Variants in PLXNA4 observed in about 807,000 individuals in gnomAD.
PLXNA4 encodes the protein plexin-A4.
In PLXNA4, 44 loss-of-function variants were observed where a neutral mutation model predicts 191.8. That is an observed-to-expected ratio of 0.23 (90% CI 0.18 to 0.29). PLXNA4 has a LOEUF of 0.29. Among genes scored for constraint, PLXNA4 ranks in the 10% least tolerant of loss-of-function variants. The probability of loss-of-function intolerance (pLI) is 1.00; values close to 1 mark genes in which losing one functional copy is unlikely to be tolerated. For synonymous variants in PLXNA4, 1,082 were observed against 1,009.5 expected, an observed-to-expected ratio of 1.07 and a Z score of -1.36; for missense variants, 1,800 against 2,488.8, an observed-to-expected ratio of 0.72 and a Z score of 5.89.
upstream of PLXNA4, chr7:132,576,627 G>A (rs1802252499): frequency 3.0e-6 from 3 of 984,696 alleles, no homozygotes; most frequent in Admixed American, 1.8e-4. This position sits in a 1 kb window ranked among gnomAD's most constrained non-coding sequence, Gnocchi z 5.8. Flanking sequence ...CGCCGAATCA[G>A]AGCCTGCGGG....
intron 2 of PLXNA4, among the ~76,000 whole-genome samples, chr7:132,493,711 A>G (rs199525355): frequency 6.8e-6 from 1 of 147,616 alleles, no homozygotes; most frequent in African/African-American, 2.5e-5. Context: ...AGGTGGATGG[A>G]TGGATGGATG....
chr7:132,164,259 C>T lies in PLXNA4; in HGVS notation c.4383G>A (p.Leu1461=), dbSNP rs761232226. Residue 1461 remains leucine (L), a synonymous_variant, in exon 24 of 32, where the codon CTG becomes CTA. Transcript: ENST00000321063. ...CCATCTGCTGCTTGATGGCACAGAA[C>T]AGGGAGAAGAGGGGCTCCCCAGCAC... ...KECAGEPLFS[L]FCAIKQQMEK... The T allele has an allele frequency of 3.7e-6, 6 of 1,614,194 alleles. No homozygotes were observed. The highest frequency in any genetic ancestry group is 5.1e-6 in the Non-Finnish European group (6 of 1,180,022).
intron 1 of PLXNA4, among the ~76,000 whole-genome samples, chr7:132,561,572 C>T (rs1585339627): frequency 2.7e-5 from 2 of 73,618 alleles, no homozygotes; most frequent in Non-Finnish European, 4.8e-5. Context: ...CTCCTCCTTT[C>T]CCCTCCTCCT....
At chr7:132,395,005 G>A (rs1166310922) in intron 3 of PLXNA4, among the ~76,000 whole-genome samples, 1 of 152,266 alleles carries the variant, frequency 6.6e-6, no homozygotes, top group Non-Finnish European at 1.5e-5. Context: ...CCTTTCCGGG[G>A]CAGGTGTGGC....
At position 132,590,108 on chromosome 7, in the gene PLXNA4, GAGTT is replaced by G. The variant is rs1215285934; in HGVS notation, c.-87+55816_-87+55819del. ...TTCAACTGGGAAAGATAACAGAAAA[GAGTT>G]AGGAAAATCTATTGTAGCTCTGAAA... On this transcript the variant is annotated intron_variant, in intron 2 of 4. Coordinates refer to the PLXNA4 transcript ENST00000378539. Among the ~76,000 whole-genome samples the G allele has an allele frequency of 3.3e-5, 5 of 152,186 alleles. No homozygotes were observed. The East Asian group carries it at 9.6e-4, about 29-fold the overall frequency.
intron 3 of PLXNA4, chr7:132,383,474 G>A (rs1804982925): frequency 2.6e-6 from 2 of 773,338 alleles, no homozygotes; most frequent in Non-Finnish European, 1.6e-6. Context: ...CATTTTCCAA[G>A]CACAACTACT....
chr7:132,605,153 A>G (rs2116845438), intron 2 of PLXNA4, among the ~76,000 whole-genome samples: 1 of 152,334 alleles, frequency 6.6e-6, no homozygotes, highest in African/African-American at 2.4e-5. Flanking sequence ...CATTTTATTG[A>G]TGAAGAGAAT....
At chr7:132,640,779 A>C (rs1338240460) in intron 2 of PLXNA4, among the ~76,000 whole-genome samples, 1 of 103,448 alleles carries the variant, frequency 9.7e-6, no homozygotes, top group African/African-American at 4.1e-5. Context: ...TCTACTGAAA[A>C]AAAAAAAAGG....
At chr7:132,417,855 T>C (rs570831926) in intron 3 of PLXNA4, among the ~76,000 whole-genome samples, 1 of 152,218 alleles carries the variant, frequency 6.6e-6, no homozygotes, top group African/African-American at 2.4e-5. Flanking sequence ...TGGGTCTCTG[T>C]TCTCTTTCTC....
At chr7:132,360,128 C>T (rs1803876771) in intron 3 of PLXNA4, among the ~76,000 whole-genome samples, 1 of 152,146 alleles carries the variant, frequency 6.6e-6, no homozygotes, top group Admixed American at 6.5e-5. Context: ...CTTATCCTAC[C>T]AGATTACACA....
At chr7:132,380,665 G>A (rs1362370087) in intron 3 of PLXNA4, among the ~76,000 whole-genome samples, 2 of 152,158 alleles carry the variant, frequency 1.3e-5, no homozygotes, top group Non-Finnish European at 2.9e-5. Context: ...ATCAGGAGCA[G>A]GGCCTCACGG....
intron 4 of PLXNA4, among the ~76,000 whole-genome samples, chr7:132,267,778 C>T (rs773185008): frequency 4.6e-5 from 7 of 152,074 alleles, no homozygotes; most frequent in Non-Finnish European, 1.0e-4. Flanking sequence ...GAGGCTGTTG[C>T]GAGTCCTCAC....
At chr7:132,378,280 C>T (rs1349715493) in intron 3 of PLXNA4, among the ~76,000 whole-genome samples, 1 of 152,100 alleles carries the variant, frequency 6.6e-6, no homozygotes, top group African/African-American at 2.4e-5. Flanking sequence ...TGATTCTTCC[C>T]GTTGAAAACT....
At chr7:132,162,603 C>G (rs1795982971) in intron 24 of PLXNA4, among the ~76,000 whole-genome samples, 1 of 152,130 alleles carries the variant, frequency 6.6e-6, no homozygotes, top group Non-Finnish European at 1.5e-5. Flanking sequence ...ACTTCTATCT[C>G]ATTAAGAAAT....
At chr7:132,372,969 T>G (rs1385205019) in intron 3 of PLXNA4, among the ~76,000 whole-genome samples, 11 of 152,208 alleles carry the variant, frequency 7.2e-5, no homozygotes. Flanking sequence ...ATAAAATAAT[T>G]TAATGCTATG....
At chr7:132,285,450 C>T (rs149927447) in intron 4 of PLXNA4, among the ~76,000 whole-genome samples, 2 of 152,296 alleles carry the variant, frequency 1.3e-5, no homozygotes, top group Non-Finnish European at 2.9e-5. Context: ...AGATAATCTC[C>T]CCTTAGCCAT....
At chr7:132,341,981 A>C (rs892378916) in intron 3 of PLXNA4, among the ~76,000 whole-genome samples, 3 of 151,912 alleles carry the variant, frequency 2.0e-5, no homozygotes, top group African/African-American at 7.3e-5. Context: ...TTTGGGTGAC[A>C]CCACTGCCCC....
At chr7:132,553,860 G>C (rs879575400) in intron 1 of PLXNA4, among the ~76,000 whole-genome samples, 1 of 152,114 alleles carries the variant, frequency 6.6e-6, no homozygotes, top group Non-Finnish European at 1.5e-5. Context: ...AGGCATCTTG[G>C]GGGAAGAAAA....
At position 132,507,635 on chromosome 7, in the gene PLXNA4, C is replaced by T. The variant is rs763735261; in HGVS notation, c.1059G>A (p.Ser353=). ...QKRKMKSLDE[S]ALCIFILKQI... ...GCTTCAAGATGAAGATGCACAGGGC[C>T]GACTCATCCAGGGATTTCATTTTCC... The change falls in exon 2 of 32, where the codon TCG becomes TCA. Residue 353 remains serine, a synonymous_variant. Transcript: ENST00000321063. 28 of 1,614,040 alleles carry T rather than the reference C, an allele frequency of 1.7e-5. No homozygotes were observed. Among genetic ancestry groups the T allele is most frequent in the African/African-American group, 4.0e-5 (3 of 74,906 alleles).
Sources: gnomAD v4.1 joint callset for allele counts (sites outside exome capture counted in the v4.1 genomes callset) on GRCh38, gnomAD v4.1.1 for gene constraint, Gnocchi (gnomAD v3.1) non-coding constraint, MANE v1.5 for transcripts, NCBI Gene and HGNC (gene_info 2026-07-23, HGNC 2026-07-21) for gene names.